Variants in SGPL1 observed in about 807,000 individuals in gnomAD.
SGPL1 encodes SP-lyase 1.
Under a neutral mutation model 68.9 loss-of-function variants are expected in SGPL1, and 37 were observed. That is an observed-to-expected ratio of 0.54 (90% CI 0.41 to 0.71). The LOEUF (loss-of-function observed/expected upper bound fraction) is 0.71, where lower values mean the gene tolerates loss of function less well. Among genes scored for constraint, SGPL1 ranks in the 30% least tolerant of loss-of-function variants. The probability of loss-of-function intolerance (pLI) is 0.00; values close to 1 mark genes in which losing one functional copy is unlikely to be tolerated. For synonymous variants in SGPL1, 236 were observed against 248.5 expected (o/e 0.95, Z 0.47); for missense variants, 551 against 704.6 (o/e 0.78, Z 2.47).
At chr10:70,867,214 G>T (rs144084439) in intron 7 of SGPL1, among the ~76,000 whole-genome samples, 2 of 152,114 alleles carry the variant, frequency 1.3e-5, no homozygotes, top group African/African-American at 4.8e-5. Context: ...AAATAGCCAG[G>T]TGGCTATGAC....
chr10:70,838,092 G>C (rs1683943), intron 2 of SGPL1, among the ~76,000 whole-genome samples: 1 of 152,124 alleles, frequency 6.6e-6, no homozygotes, highest in Non-Finnish European at 1.5e-5. Flanking sequence ...TGAGTTTTAG[G>C]GGGGACATTC....
chr10:70,864,659 C>A (rs537098685), intron 7 of SGPL1, among the ~76,000 whole-genome samples: 1 of 152,238 alleles, frequency 6.6e-6, no homozygotes, highest in East Asian at 1.9e-4. Context: ...TTGTTTCCTT[C>A]TGTGTTGGGT....
chr10:70,819,786 A>T (rs1228117814), intron 2 of SGPL1, among the ~76,000 whole-genome samples: 5 of 152,072 alleles, frequency 3.3e-5, no homozygotes, highest in Non-Finnish European at 5.9e-5. Context: ...ACATGCCACC[A>T]TGCCCGGCTG....
At chr10:70,867,414 T>G (rs1310928151) in intron 7 of SGPL1, among the ~76,000 whole-genome samples, 1 of 151,984 alleles carries the variant, frequency 6.6e-6, no homozygotes, top group Admixed American at 6.5e-5. Context: ...AATACAAAAA[T>G]TAGGTGGGCA....
chr10:70,826,201 TACAATACAATACAACACAACACA>T (rs1287672434), intron 2 of SGPL1, among the ~76,000 whole-genome samples: 1 of 151,776 alleles, frequency 6.6e-6, no homozygotes, highest in African/African-American at 2.4e-5. Flanking sequence ...TACAACACAG[TACAATACAATACAACACAACACA>T]ACAATACAAT....
chr10:70,816,744 G>C (rs1845238868), intron 1 of SGPL1, 67 bp from the exon 2 acceptor site: 1 of 1,120,782 alleles, frequency 8.9e-7, no homozygotes, highest in African/African-American at 1.5e-5. Flanking sequence ...CTGCTCTGGC[G>C]AATCTAGGCG....
rs142350224 is a variant in SGPL1 at position 70,878,455 on chromosome 10, A to T, written c.*1120A>T. 1.3e-5 allele frequency: 2 copies of T among 152,338 alleles called. No individual in the cohort carries two copies. The highest frequency in any genetic ancestry group is 6.5e-5 in the Admixed American group (1 of 15,298). The allele number at this position is 152,338 out of a possible 1,614,324, so 9.4% of individuals were successfully genotyped here. On this transcript the variant is annotated 3_prime_UTR_variant, in exon 15 of 15. Coordinates refer to ENST00000373202, the MANE Select transcript of SGPL1 (RefSeq NM_003901.4). Reference sequence around the variant, plus strand: ...TTTGGCCATGGTGCCGCCTTCCTGAATTGGCAGTGGTCAGAGCACACCTGA... The same window carrying T: ...TTTGGCCATGGTGCCGCCTTCCTGATTTGGCAGTGGTCAGAGCACACCTGA...
At chr10:70,867,389 C>G (rs577196639) in intron 7 of SGPL1, among the ~76,000 whole-genome samples, 4 of 152,002 alleles carry the variant, frequency 2.6e-5, no homozygotes, top group African/African-American at 7.3e-5. Flanking sequence ...ATGGTGAAAC[C>G]CCGTCTCTGC....
Position 70,875,438 on chromosome 10 carries a change from T to A in SGPL1, c.1335T>A (p.Asn445Lys), listed in dbSNP as rs1203647377. 6.2e-7 allele frequency: 1 copy of A among 1,611,934 alleles called. No individual in the cohort carries two copies. The highest frequency in any genetic ancestry group is 8.5e-7 in the Non-Finnish European group (1 of 1,178,438). The change falls in exon 13 of 15, where the codon AAT becomes AAA. Residue 445 changes from asparagine (N) to lysine (K), a missense_variant. Asn to Lys is a moderately conservative substitution (Grantham distance 94). Transcript: ENST00000373202. ...TCAAAGGCATCTTTGTTTTTGGGAA[T>A]CCCCAATTGTCAGTCATTGCTCTGG... The part of the protein sequence containing the change: ...ENIKGIFVFG[N>K]PQLSVIALGS...
At chr10:70,823,280 A>G (rs889424204) in intron 2 of SGPL1, among the ~76,000 whole-genome samples, 2 of 151,274 alleles carry the variant, frequency 1.3e-5, no homozygotes, top group African/African-American at 4.9e-5. Context: ...CAGAATAATC[A>G]CACCACATTA....
rs1019364912 is a variant in SGPL1, at chr10:70,816,666, TA to T, written c.-43-144del. 5 of 701,542 alleles carry T rather than the reference TA, an allele frequency of 7.1e-6. No individual in the cohort carries two copies. In the African/African-American group the frequency reaches 8.8e-5, roughly 12 times the overall value. 43.5% of individuals were successfully genotyped at this position (701,542 alleles called of 1,614,324 possible). A position where few individuals can be genotyped will look rare whatever the true frequency, so the allele number is the denominator to read the frequency against. On this transcript the variant is annotated intron_variant, in intron 1 of 14. Transcript: ENST00000373202. ...ATTTTGATTCGCTGGTCTGGGGTGC[TA>T]GGGGTGGACTGTGATATCTGGGAAT... is the stretch of plus-strand genomic sequence containing the variant.
intron 3 of SGPL1, among the ~76,000 whole-genome samples, chr10:70,849,804 T>C (rs910796861): frequency 2.6e-5 from 4 of 152,226 alleles, no homozygotes; most frequent in East Asian, 1.9e-4. Flanking sequence ...TAGATTCTTA[T>C]AGACTCAAAC....
At position 70,859,551 on chromosome 10, in the gene SGPL1, AAG is replaced by A. The variant is rs750720401; in HGVS notation, c.615+55_615+56del. 21 of 1,066,966 alleles carry A rather than the reference AAG, an allele frequency of 2.0e-5. No homozygotes were observed. The African/African-American group carries it at 3.3e-4, about 17-fold the overall frequency. The allele number at this position is 1,066,966 out of a possible 1,614,324, so 66.1% of individuals were successfully genotyped here. A position where few individuals can be genotyped will look rare whatever the true frequency, so the allele number is the denominator to read the frequency against. ...AGCCTTATTTTTTAGGTTAAAATAG[AAG>A]AGTTTTTAATAAATATTAATTATAT... On this transcript the variant is annotated intron_variant, in intron 7 of 14. Transcript: ENST00000373202.
chr10:70,861,940 C>T (rs553867511), intron 7 of SGPL1, among the ~76,000 whole-genome samples: 10 of 152,364 alleles, frequency 6.6e-5, no homozygotes, highest in Non-Finnish European at 1.0e-4. Flanking sequence ...TCCGTGGGCT[C>T]CTGTGTGGCC....
chr10:70,857,789 G>T, intron 6 of SGPL1, 99 bp downstream of exon 6: 1 of 695,972 alleles, frequency 1.4e-6, no homozygotes, highest in Non-Finnish European at 2.4e-6. Flanking sequence ...ATTACTTAAG[G>T]AAAGCTTATT....
At chr10:70,835,635 C>T (rs1845615181) in intron 2 of SGPL1, among the ~76,000 whole-genome samples, 1 of 150,632 alleles carries the variant, frequency 6.6e-6, no homozygotes, top group Non-Finnish European at 1.5e-5. Flanking sequence ...ACTTGGGAGG[C>T]TGAGGCAGGA....
intron 13 of SGPL1, among the ~76,000 whole-genome samples, chr10:70,875,821 C>T (rs1346181418): frequency 6.6e-6 from 1 of 152,184 alleles, no homozygotes; most frequent in Non-Finnish European, 1.5e-5. Context: ...TTCTACTCTC[C>T]AATCCATCTT....
chr10:70,854,057 TC>T (rs148402955), intron 4 of SGPL1, among the ~76,000 whole-genome samples: 14 of 152,282 alleles, frequency 9.2e-5, no homozygotes, highest in Non-Finnish European at 1.6e-4. Flanking sequence ...CAAGGCAGGA[TC>T]AAAGTCCAAA....
chr10:70,856,135 C>T (rs1382252874), intron 5 of SGPL1, among the ~76,000 whole-genome samples: 5 of 152,092 alleles, frequency 3.3e-5, no homozygotes, highest in African/African-American at 7.2e-5. Context: ...GCTGAGATTA[C>T]AGGCGTGCGG....
Sources: gnomAD v4.1 joint callset for allele counts (sites outside exome capture counted in the v4.1 genomes callset) on GRCh38, gnomAD v4.1.1 for gene constraint, MANE v1.5 for transcripts, NCBI Gene and HGNC (gene_info 2026-07-23, HGNC 2026-07-21) for gene names.